The following TSPEAR variants were observed in gnomAD, a reference collection of about 807,000 sequenced individuals.
The protein encoded by TSPEAR is thrombospondin-type laminin G domain and EAR repeat-containing protein.
TSPEAR carries 69 observed loss-of-function variants against 71.6 expected under a neutral mutation model. The ratio of observed to expected loss-of-function variants is 0.96; its 90% confidence interval spans 0.79 to 1.18. The LOEUF is 1.18. Among genes scored for constraint, TSPEAR ranks in the 50% most tolerant of loss-of-function variants. The pLI, the probability that TSPEAR is intolerant of heterozygous loss-of-function variation, is 0.00. For synonymous variants in TSPEAR, 402 were observed against 387.2 expected (o/e 1.04, Z -0.45); for missense variants, 971 against 894.9 (o/e 1.09, Z -1.09).
rs376736933 is a variant in TSPEAR, at chr21:44,514,415, C to T, written c.1567-5029G>A. On this transcript the variant is annotated intron_variant, in intron 9 of 11. Coordinates refer to ENST00000323084, the MANE Select transcript of TSPEAR (RefSeq NM_144991.3). ...ATGTACATGTGTGTTGAGCCATGGGCGGGACCCTTGGGAAGTGTGTGGCAC... is the reference window on the plus strand; with the variant it reads ...ATGTACATGTGTGTTGAGCCATGGGTGGGACCCTTGGGAAGTGTGTGGCAC... Among the ~76,000 whole-genome samples the T allele has an allele frequency of 3.3e-5, 5 of 152,100 alleles. No individual in the cohort carries two copies. The East Asian group carries it at 5.8e-4, about 18-fold the overall frequency.
intron 1 of TSPEAR, among the ~76,000 whole-genome samples, chr21:44,596,322 C>G (rs1569209463): frequency 6.6e-6 from 1 of 152,208 alleles, no homozygotes; most frequent in Admixed American, 6.5e-5. Context: ...ATGCACATCC[C>G]ATCACCCTCT....
chr21:44,551,615 A>C (rs1300836480), intron 2 of TSPEAR: 83 of 1,073,324 alleles, frequency 7.7e-5, no homozygotes, highest in South Asian at 1.3e-4. Context: ...AACGCCCTCC[A>C]CTTCCGTGTT....
chr21:44,711,555 G>A lies in TSPEAR; in HGVS notation c.-41C>T. 2 of 1,583,998 alleles carry A rather than the reference G, an allele frequency of 1.3e-6. No individual in the cohort carries two copies. Among genetic ancestry groups the A allele is most frequent in the Non-Finnish European group, 1.7e-6 (2 of 1,163,496 alleles). On this transcript the variant is annotated 5_prime_UTR_variant, in exon 1 of 12. Transcript: ENST00000323084. The surrounding 1 kb of genome is among the most constrained non-coding windows in gnomAD (Gnocchi z 4.5). ...CAAGCTCCATCCAGGGCTCCGCTCA[G>A]CCTGCAGGGAAGTGGCTGCTCCTCA...
At chr21:44,568,094 G>A in intron 1 of TSPEAR, 89 bp from the exon 2 acceptor site, 4 of 1,011,312 alleles carry the variant, frequency 4.0e-6, no homozygotes, top group Non-Finnish European at 5.5e-6. Flanking sequence ...GCATCAGCGT[G>A]GCAGGCACTT....
At chr21:44,583,226 G>C (rs1356688111) in intron 1 of TSPEAR, among the ~76,000 whole-genome samples, 1 of 152,216 alleles carries the variant, frequency 6.6e-6, no homozygotes, top group Non-Finnish European at 1.5e-5. Flanking sequence ...CCTGGCTGGG[G>C]GAGGGAGGTG....
At chr21:44,535,256 A>C (rs1555916266) in intron 2 of TSPEAR, among the ~76,000 whole-genome samples, 4 of 152,192 alleles carry the variant, frequency 2.6e-5, no homozygotes, top group Non-Finnish European at 5.9e-5. Context: ...ACAATTAAAA[A>C]ACAAGAACGT....
Position 44,627,116 on chromosome 21 carries a change from G to C in TSPEAR, c.83-59111C>G, listed in dbSNP as rs587619156. ...TCACACACTCACAAACTCACTCACT[G>C]ACACACTCACACACTCACTTACACC... On this transcript the variant is annotated intron_variant, in intron 1 of 11. Coordinates refer to ENST00000323084, the MANE Select transcript of TSPEAR (RefSeq NM_144991.3). The C allele has an allele frequency of 5.1e-4, 800 of 1,582,130 alleles. 4 individuals are homozygous for C. Among genetic ancestry groups the C allele is most frequent in the Middle Eastern group, 4.6e-3 (21 of 4,592 alleles).
intron 2 of TSPEAR, among the ~76,000 whole-genome samples, chr21:44,553,201 A>G (rs1346808787): frequency 6.6e-6 from 1 of 152,264 alleles, no homozygotes; most frequent in African/African-American, 2.4e-5. Flanking sequence ...TGTCGAAGTT[A>G]CTATGGACAG....
intron 1 of TSPEAR, among the ~76,000 whole-genome samples, chr21:44,706,331 G>A (rs1305231326): frequency 2.6e-5 from 4 of 152,026 alleles, no homozygotes; most frequent in Non-Finnish European, 5.9e-5. Context: ...ACACACCCAC[G>A]TGCACACCCC....
In TSPEAR at chr21:44,710,217, C is replaced by T. The variant is rs577911459; in HGVS notation, c.82+1216G>A. Among the ~76,000 whole-genome samples the T allele has an allele frequency of 7.8e-4, 119 of 152,164 alleles. No individual in the cohort carries two copies. The highest frequency in any genetic ancestry group is 1.5e-3 in the Non-Finnish European group (99 of 68,030). ...CTCTGCGACAAGCTGACTTGGCTCT[C>T]GTATTGTTTGCAGAATCACCCAGTT... is the stretch of plus-strand genomic sequence containing the variant. On this transcript the variant is annotated intron_variant, in intron 1 of 11. Transcript: ENST00000323084. The surrounding 1 kb of genome is among the most constrained non-coding windows in gnomAD (Gnocchi z 4.6).
chr21:44,707,207 G>A (rs1272389095), intron 1 of TSPEAR, among the ~76,000 whole-genome samples: 2 of 150,660 alleles, frequency 1.3e-5, no homozygotes, highest in Admixed American at 6.6e-5. Flanking sequence ...CAGGAGGACC[G>A]CACCTGCCCT....
chr21:44,509,036 CCATTCTTTCCA>C (rs1601326468), intron 10 of TSPEAR, 152 bp downstream of exon 10: 1 of 1,396,492 alleles, frequency 7.2e-7, no homozygotes, highest in Non-Finnish European at 9.8e-7. Flanking sequence ...AGTCCCCAGG[CCATTCTTTCCA>C]CAGGAAGGTC....
At chr21:44,697,272 C>T in intron 1 of TSPEAR, 2 of 1,614,082 alleles carry the variant, frequency 1.2e-6, no homozygotes, top group Non-Finnish European at 1.7e-6. Context: ...GACTCTTGCT[C>T]CGACTCCTGG....
intron 10 of TSPEAR, chr21:44,508,034 A>G (rs2052245018): frequency 6.6e-6 from 1 of 152,226 alleles, no homozygotes; most frequent in South Asian, 2.1e-4. Context: ...ATCCTTTGTA[A>G]AGCCAGGAGT....
chr21:44,711,114 C>T lies in TSPEAR; in HGVS notation c.82+319G>A, dbSNP rs1469690151. 5.9e-5 allele frequency among the ~76,000 whole-genome samples: 9 copies of T among 152,218 alleles called. No individual in the cohort carries two copies. The highest frequency in any genetic ancestry group is 2.2e-4 in the African/African-American group (9 of 41,460). On this transcript the variant is annotated intron_variant, in intron 1 of 11. Transcript: ENST00000323084. This position sits in a 1 kb window ranked among gnomAD's most constrained non-coding sequence, Gnocchi z 4.5. ...TCTTCATTCCCAAAGCAGGTGTCAG[C>T]CTTTCCCGGGAGGCCCAGCAGGTAA...
chr21:44,526,255 T>C (rs1555914932), intron 7 of TSPEAR, among the ~76,000 whole-genome samples: 1 of 152,138 alleles, frequency 6.6e-6, no homozygotes, highest in African/African-American at 2.4e-5. Flanking sequence ...GTGTAAAACA[T>C]GAACATGGCG....
rs782461464 is a variant in TSPEAR, at chr21:44,550,711, C to T, written c.304-16788G>A. On this transcript the variant is annotated intron_variant, in intron 2 of 11. Coordinates refer to ENST00000323084, the MANE Select transcript of TSPEAR (RefSeq NM_144991.3). ...GGCCATCAGCAGCTAGACTTTTGGC[C>T]TGAGGAAAAGCTGCAGGAGGCTGGG... The T allele has an allele frequency of 3.1e-6, 5 of 1,613,848 alleles. No homozygotes were observed. The African/African-American group carries it at 4.0e-5, about 13-fold the overall frequency.
Position 44,499,540 on chromosome 21 carries a change from A to AG in TSPEAR, c.*242dup, listed in dbSNP as rs782215476. ...GACACTCAGATGGGCGAGCACTGGC[A>AG]GGGGCTCTGGGCCTCTGCCTGCAAG... On this transcript the variant is annotated 3_prime_UTR_variant, in exon 12 of 12. Coordinates refer to ENST00000323084, the MANE Select transcript of TSPEAR (RefSeq NM_144991.3). 36 of 494,308 alleles carry AG rather than the reference A, an allele frequency of 7.3e-5. No individual in the cohort carries two copies. Among genetic ancestry groups the AG allele is most frequent in the Non-Finnish European group, 1.1e-4 (31 of 282,390 alleles). The allele number at this position is 494,308 out of a possible 1,614,324, so 30.6% of individuals were successfully genotyped here.
In TSPEAR at chr21:44,550,836, G is replaced by A. The variant is rs201871032; in HGVS notation, c.304-16913C>T. ...CTGGCAGCTAGACTGCTGGCAGCAC[G>A]GAGAGGAAGCCCCAGAGCAAACAGG... On this transcript the variant is annotated intron_variant, in intron 2 of 11. Transcript: ENST00000323084. The A allele has an allele frequency of 2.9e-5, 44 of 1,536,194 alleles. No individual in the cohort carries two copies. Among genetic ancestry groups the A allele is most frequent in the Middle Eastern group, 1.7e-4 (1 of 5,850 alleles).
Sources: gnomAD v4.1 joint callset for allele counts (sites outside exome capture counted in the v4.1 genomes callset) on GRCh38, gnomAD v4.1.1 for gene constraint, Gnocchi (gnomAD v3.1) non-coding constraint, MANE v1.5 for transcripts, NCBI Gene and HGNC (gene_info 2026-07-23, HGNC 2026-07-21) for gene names.